ATP13A4: variants seen among roughly 807,000 people sequenced by gnomAD.
ATP13A4 encodes probable cation-transporting ATPase 13A4.
ATP13A4 carries 114 observed loss-of-function variants against 142.5 expected under a neutral mutation model. That is an observed-to-expected ratio of 0.80 (90% confidence interval 0.69 to 0.93). ATP13A4 has a LOEUF of 0.93. Ranked by LOEUF, ATP13A4 falls within the 40% of genes least tolerant of loss-of-function variation. The pLI, the probability that ATP13A4 is intolerant of heterozygous loss-of-function variation, is 0.00. For missense variants in ATP13A4, 1,392 were observed against 1,454.0 expected, an observed-to-expected ratio of 0.96 and a Z score of 0.69; for synonymous variants, 488 against 514.8, an observed-to-expected ratio of 0.95 and a Z score of 0.70.
chr3:193,470,847 A>G lies in ATP13A4; in HGVS notation c.943+12T>C, dbSNP rs1422075732. On this transcript the variant is annotated intron_variant, in intron 9 of 29. Coordinates refer to ENST00000342695, the MANE Select transcript of ATP13A4 (RefSeq NM_032279.4). ...CCCACAGAGGTTGTCAGCTGTGGAGATGGAACTGTACCTGTCAGCATGCCT... is the reference window on the plus strand; with the variant it reads ...CCCACAGAGGTTGTCAGCTGTGGAGGTGGAACTGTACCTGTCAGCATGCCT... 1.2e-6 allele frequency: 2 copies of G among 1,613,892 alleles called. No homozygotes were observed. The highest frequency in any genetic ancestry group is 1.3e-5 in the African/African-American group (1 of 75,016).
intron 23 of ATP13A4, 70 bp from the exon 24 acceptor site, chr3:193,435,814 T>C: frequency 7.4e-7 from 1 of 1,357,698 alleles, no homozygotes; most frequent in Non-Finnish European, 1.1e-6. Flanking sequence ...TTCTGTGCTG[T>C]TCAGCTAAGC....
chr3:193,563,549 T>C (rs1724062738), intron 2 of ATP13A4, among the ~76,000 whole-genome samples: 1 of 152,208 alleles, frequency 6.6e-6, no homozygotes. Flanking sequence ...TCCTGGCTAC[T>C]CAGAAGGCTG....
In ATP13A4 at chr3:193,461,961, C is replaced by G. The variant is rs556932681; in HGVS notation, c.1523+801G>C. Reference sequence around the variant, plus strand: ...TTTCAGCCAAGTGCAGTGGCTGATGCCTGTAATCCCAACACTTCAGGAGGC... The same window carrying G: ...TTTCAGCCAAGTGCAGTGGCTGATGGCTGTAATCCCAACACTTCAGGAGGC... On this transcript the variant is annotated intron_variant, in intron 13 of 29. Transcript: ENST00000342695. Among the ~76,000 whole-genome samples, 5 of 152,238 alleles carry G rather than the reference C, an allele frequency of 3.3e-5. No individual in the cohort carries two copies. The South Asian group carries it at 1.0e-3, about 32-fold the overall frequency.
intron 12 of ATP13A4, 59 bp from the exon 13 acceptor site, chr3:193,462,882 T>C: frequency 6.4e-7 from 1 of 1,551,388 alleles, no homozygotes; most frequent in Non-Finnish European, 8.9e-7. Flanking sequence ...CGGTGGCTCA[T>C]GCCTGTAATC....
chr3:193,517,734 C>A (rs185718129), intron 1 of ATP13A4, among the ~76,000 whole-genome samples: 45 of 152,172 alleles, frequency 3.0e-4, no homozygotes, highest in South Asian at 1.7e-3. Context: ...CTGCCCGCCT[C>A]AGCCTCCCAA....
At chr3:193,582,154 T>C (rs1307479134) in intron 1 of ATP13A4, among the ~76,000 whole-genome samples, 11 of 148,356 alleles carry the variant, frequency 7.4e-5, no homozygotes, top group African/African-American at 2.2e-4. Flanking sequence ...CTTTTCTTTT[T>C]TTTTTTTTTT....
intron 3 of ATP13A4, among the ~76,000 whole-genome samples, chr3:193,495,674 C>T (rs1350123835): frequency 6.6e-6 from 1 of 152,076 alleles, no homozygotes; most frequent in Non-Finnish European, 1.5e-5. Context: ...TAGAACAAGA[C>T]AGGAATGCCT....
At chr3:193,434,028 G>T in intron 24 of ATP13A4, 111 bp from the exon 25 acceptor site, 1 of 903,172 alleles carries the variant, frequency 1.1e-6, no homozygotes, top group Non-Finnish European at 1.8e-6. Context: ...GTAAATTACT[G>T]TGGAGATGCT....
At position 193,493,090 on chromosome 3, in the gene ATP13A4, C is replaced by T. The variant is rs771685130; in HGVS notation, c.452G>A (p.Gly151Asp). 3 of 1,613,016 alleles carry T rather than the reference C, an allele frequency of 1.9e-6. No homozygotes were observed. The highest frequency in any genetic ancestry group is 2.2e-5 in the East Asian group (1 of 44,760). The change falls in exon 4 of 30, where the codon GGT (glycine) becomes GAT (aspartate). Residue 151 changes from glycine to aspartate, a missense_variant and splice_region_variant. Transcript: ENST00000342695. ...NYLEGQFQKI[G>D]SLEDWLSSAK... is the part of the protein sequence containing the mutation. Reference sequence around the variant, plus strand: ...GGCTGTACTTGCTAAAACAACTTACCCAATTTTCTGGAACTGTCCTTCTAA... The same window carrying T: ...GGCTGTACTTGCTAAAACAACTTACTCAATTTTCTGGAACTGTCCTTCTAA...
chr3:193,413,038 G>A (rs944353645), intron 26 of ATP13A4, among the ~76,000 whole-genome samples: 4 of 152,120 alleles, frequency 2.6e-5, no homozygotes, highest in Admixed American at 1.3e-4. Flanking sequence ...CAGCAACAAC[G>A]ACAACTGTTG....
chr3:193,483,496 G>T (rs906073875), intron 8 of ATP13A4, among the ~76,000 whole-genome samples: 1 of 152,040 alleles, frequency 6.6e-6, no homozygotes, highest in Non-Finnish European at 1.5e-5. Context: ...ATGGAGTCTC[G>T]CTCTGTCACC....
chr3:193,441,605 A>T lies in ATP13A4; in HGVS notation c.2317-17T>A, dbSNP rs1716647137. 6.2e-7 allele frequency: 1 copy of T among 1,612,048 alleles called. No homozygotes were observed. Among genetic ancestry groups the T allele is most frequent in the East Asian group, 2.2e-5 (1 of 44,778 alleles). On this transcript the variant is annotated splice_polypyrimidine_tract_variant and intron_variant, in intron 19 of 29. Coordinates refer to ENST00000342695, the MANE Select transcript of ATP13A4 (RefSeq NM_032279.4). ...GTAATTGTCCTACAAAGCAAGACAC[A>T]GTTATTTTAGACTCTTTCATTTGAC...
At chr3:193,445,968 CAAA>C (rs11310029) in intron 18 of ATP13A4, among the ~76,000 whole-genome samples, 11 of 145,602 alleles carry the variant, frequency 7.6e-5, no homozygotes, top group African/African-American at 1.0e-4. Context: ...AAACTGGGTG[CAAA>C]AAAAAAAAAA....
chr3:193,536,942 T>C lies in ATP13A4; in HGVS notation c.60+17798A>G, dbSNP rs147584412. Among the ~76,000 whole-genome samples, 6 of 152,128 alleles carry C rather than the reference T, an allele frequency of 3.9e-5. No individual in the cohort carries two copies. In the East Asian group the frequency reaches 1.2e-3, roughly 29 times the overall value. On this transcript the variant is annotated intron_variant, in intron 1 of 29. Coordinates refer to ENST00000342695, the MANE Select transcript of ATP13A4 (RefSeq NM_032279.4). The stretch of plus-strand genomic sequence containing the variant: ...TATGCCAAAAACTATAAAAGGCTTA[T>C]GAGAAAAATGAAGGAAGATCTAAGC...
At chr3:193,537,576 A>G (rs1357759343) in intron 1 of ATP13A4, among the ~76,000 whole-genome samples, 1 of 152,214 alleles carries the variant, frequency 6.6e-6, no homozygotes, top group Non-Finnish European at 1.5e-5. Context: ...TATCCATAAA[A>G]GGAAAAATTG....
chr3:193,431,222 A>G (rs1715952909), intron 25 of ATP13A4, among the ~76,000 whole-genome samples: 1 of 152,138 alleles, frequency 6.6e-6, no homozygotes, highest in African/African-American at 2.4e-5. Context: ...CTAAGTTCCT[A>G]GATCAGTAAG....
At chr3:193,448,066 T>C (rs776528046) in intron 18 of ATP13A4, 140 bp downstream of exon 18, 13 of 1,070,110 alleles carry the variant, frequency 1.2e-5, no homozygotes, top group Non-Finnish European at 1.8e-5. Context: ...GCAGTAAATG[T>C]GCCTTTTTGT....
upstream of ATP13A4, among the ~76,000 whole-genome samples, chr3:193,557,060 GT>G (rs1169203540): frequency 6.6e-6 from 1 of 152,174 alleles, no homozygotes; most frequent in Non-Finnish European, 1.5e-5. Flanking sequence ...CTCTTGCACC[GT>G]TGTGGGATTG....
At chr3:193,429,983 T>C (rs1039860788) in intron 25 of ATP13A4, among the ~76,000 whole-genome samples, 1 of 152,092 alleles carries the variant, frequency 6.6e-6, no homozygotes, top group Non-Finnish European at 1.5e-5. Flanking sequence ...ACAGTGAATA[T>C]ATGTTAACAA....
Sources: gnomAD v4.1 joint callset for allele counts (sites outside exome capture counted in the v4.1 genomes callset) on GRCh38, gnomAD v4.1.1 for gene constraint, MANE v1.5 for transcripts, NCBI Gene and HGNC (gene_info 2026-07-23, HGNC 2026-07-21) for gene names.